The following MSH3 variants were observed in gnomAD, a reference collection of about 807,000 sequenced individuals.
The protein encoded by MSH3 is DNA mismatch repair protein Msh3.
In MSH3, 106 loss-of-function variants were observed where a neutral mutation model predicts 123.3. The ratio of observed to expected loss-of-function variants is 0.86; its 90% CI spans 0.73 to 1.01. MSH3 has a LOEUF of 1.01. MSH3 is among the 50% of genes least tolerant of loss of function. The pLI, the probability that MSH3 is intolerant of heterozygous loss-of-function variation, is 0.00. For missense variants in MSH3, 1,459 were observed against 1,347.6 expected (o/e 1.08, Z -1.29); for synonymous variants, 515 against 481.4 (o/e 1.07, Z -0.91).
chr5:80,797,176 G>A (rs1744713361), intron 19 of MSH3, among the ~76,000 whole-genome samples: 1 of 151,960 alleles, frequency 6.6e-6, no homozygotes, highest in Admixed American at 6.5e-5. Context: ...AGCTGGGATG[G>A]GTAACCCTCT....
chr5:80,860,201 A>T (rs1425216988), intron 21 of MSH3, among the ~76,000 whole-genome samples: 1 of 152,192 alleles, frequency 6.6e-6, no homozygotes, highest in African/African-American at 2.4e-5. Context: ...TAAAAATAAG[A>T]AAAATAAAAG....
At chr5:80,775,836 A>G (rs2112890307) in intron 16 of MSH3, 78 bp downstream of exon 16, 1 of 792,956 alleles carries the variant, frequency 1.3e-6, no homozygotes, top group Non-Finnish European at 2.2e-6. Flanking sequence ...GGCTCATCGT[A>G]GCCACATTCT....
intron 20 of MSH3, among the ~76,000 whole-genome samples, chr5:80,849,321 A>T (rs1745788321): frequency 6.6e-6 from 1 of 152,116 alleles, no homozygotes; most frequent in South Asian, 2.1e-4. Context: ...TGGATCTACC[A>T]TTCTGGGGTC....
chr5:80,831,364 A>G (rs1705640188), intron 20 of MSH3, among the ~76,000 whole-genome samples: 1 of 152,194 alleles, frequency 6.6e-6, no homozygotes, highest in Non-Finnish European at 1.5e-5. Context: ...CCACCTGGAG[A>G]TCATTGTTGT....
At chr5:80,775,633 A>G (rs1188788726) in intron 15 of MSH3, 61 bp from the exon 16 acceptor site, 1 of 963,930 alleles carries the variant, frequency 1.0e-6, no homozygotes, top group Non-Finnish European at 1.6e-6. Flanking sequence ...CAATTTGGGG[A>G]AAGCTTTAAA....
chr5:80,760,430 G>C (rs1744011892), intron 12 of MSH3, among the ~76,000 whole-genome samples: 1 of 152,070 alleles, frequency 6.6e-6, no homozygotes, highest in South Asian at 2.1e-4. Flanking sequence ...TGTAGCCGTT[G>C]GTAAAATCCC....
chr5:80,762,820 G>T (rs921073538), intron 13 of MSH3, among the ~76,000 whole-genome samples: 1 of 147,828 alleles, frequency 6.8e-6, no homozygotes, highest in Non-Finnish European at 1.5e-5. Context: ...GTTATGTTAT[G>T]TTATGTTATG....
intron 19 of MSH3, among the ~76,000 whole-genome samples, chr5:80,797,621 C>G (rs1432628603): frequency 1.3e-5 from 2 of 152,242 alleles, no homozygotes; most frequent in African/African-American, 4.8e-5. Context: ...AGAGGTTGCT[C>G]AGGTTGGGTC....
chr5:80,684,307 G>A (rs1485589806), intron 8 of MSH3, among the ~76,000 whole-genome samples: 1 of 152,054 alleles, frequency 6.6e-6, no homozygotes, highest in African/African-American at 2.4e-5. Flanking sequence ...TCCAATTCAT[G>A]AACATGTAAT....
intron 7 of MSH3, among the ~76,000 whole-genome samples, chr5:80,677,781 T>G (rs917962730): frequency 6.6e-6 from 1 of 152,242 alleles, no homozygotes; most frequent in Admixed American, 6.5e-5. Flanking sequence ...GTTTTGCTCC[T>G]TTTGTTTACC....
At chr5:80,762,718 T>C (rs954434647) in intron 13 of MSH3, among the ~76,000 whole-genome samples, 4 of 151,648 alleles carry the variant, frequency 2.6e-5, no homozygotes, top group African/African-American at 9.7e-5. Flanking sequence ...TAACCATTTT[T>C]ATGTGCCTAA....
chr5:80,775,867 T>C, intron 16 of MSH3, 109 bp downstream of exon 16: 2 of 700,930 alleles, frequency 2.9e-6, no homozygotes. Context: ...AGCAATTCTT[T>C]TTACTTATTT....
At chr5:80,812,006 A>G (rs978471236) in intron 19 of MSH3, among the ~76,000 whole-genome samples, 1 of 151,678 alleles carries the variant, frequency 6.6e-6, no homozygotes, top group Non-Finnish European at 1.5e-5. Flanking sequence ...ATACCAAACT[A>G]CTTTCCAGGT....
intron 15 of MSH3, among the ~76,000 whole-genome samples, chr5:80,770,304 G>A (rs2112886269): frequency 6.7e-6 from 1 of 150,160 alleles, no homozygotes; most frequent in South Asian, 2.1e-4. Context: ...GAGAAAGTAA[G>A]TGTAAGTGCC....
chr5:80,828,617 T>TA (rs1169343428), intron 20 of MSH3, among the ~76,000 whole-genome samples: 2 of 152,226 alleles, frequency 1.3e-5, no homozygotes, highest in Non-Finnish European at 2.9e-5. Context: ...GTAAATTTCT[T>TA]ACAGCTGTGA....
chr5:80,784,966 A>G (rs1317165434), intron 17 of MSH3, among the ~76,000 whole-genome samples: 1 of 152,256 alleles, frequency 6.6e-6, no homozygotes, highest in Non-Finnish European at 1.5e-5. Context: ...AGTATCTGGA[A>G]AAAGTCATTT....
In MSH3 at chr5:80,666,424, C is replaced by G. The variant is rs1476273276; in HGVS notation, c.579+1061C>G. The stretch of plus-strand genomic sequence containing the variant: ...CCACAAAGCCCAGATCCATGAACTC[C>G]TCCCTCAGCCAGGCTAATATTGATT... On this transcript the variant is annotated intron_variant, in intron 3 of 23. Transcript: ENST00000265081. Among the ~76,000 whole-genome samples the G allele has an allele frequency of 2.6e-5, 4 of 152,230 alleles. No homozygotes were observed. In the East Asian group the frequency reaches 7.7e-4, roughly 29 times the overall value.
intron 23 of MSH3, among the ~76,000 whole-genome samples, chr5:80,874,085 C>T (rs905545581): frequency 3.9e-5 from 6 of 151,998 alleles, no homozygotes; most frequent in Admixed American, 6.6e-5. Context: ...GATTGTTGAT[C>T]GAATAGAAAA....
intron 20 of MSH3, among the ~76,000 whole-genome samples, chr5:80,814,902 G>A (rs769985355): frequency 2.0e-5 from 3 of 152,200 alleles, no homozygotes; most frequent in African/African-American, 4.8e-5. Flanking sequence ...AGGAGAATTC[G>A]TAGTTTAATC....
Sources: allele counts gnomAD v4.1 joint callset (sites outside exome capture counted in the v4.1 genomes callset), GRCh38; gene constraint gnomAD v4.1.1; transcripts MANE v1.5; gene names NCBI Gene and HGNC (gene_info 2026-07-23, HGNC 2026-07-21).